SPATA6: variants seen among roughly 807,000 people sequenced by gnomAD.
SPATA6 encodes the protein spermatogenesis-associated protein 6.
A neutral mutation model predicts 65.3 loss-of-function variants in SPATA6; 56 were observed. The observed-to-expected ratio is 0.86, with a 90% CI of 0.69 to 1.07. The LOEUF (loss-of-function observed/expected upper bound fraction) is 1.07. Ranked by LOEUF, SPATA6 falls within the 50% of genes least tolerant of loss-of-function variation. The pLI, the probability that SPATA6 is intolerant of heterozygous loss-of-function variation, is 0.00. For missense variants in SPATA6, 590 were observed against 594.8 expected (o/e 0.99, Z 0.08); for synonymous variants, 199 against 213.2 (o/e 0.93, Z 0.58).
At chr1:48,264,330 C>A in the SPATA6 span, among the ~76,000 whole-genome samples, 1 of 152,108 alleles carries the variant, frequency 6.6e-6, no homozygotes, top group Non-Finnish European at 1.5e-5. Flanking sequence ...ATCTTGATCC[C>A]AATTTCACCA....
At chr1:48,381,414 T>C (rs1475874736) in intron 9 of SPATA6, among the ~76,000 whole-genome samples, 1 of 152,166 alleles carries the variant, frequency 6.6e-6, no homozygotes, top group Non-Finnish European at 1.5e-5. Context: ...TAAATATTTA[T>C]AAAGCTTCAC....
intron 9 of SPATA6, among the ~76,000 whole-genome samples, chr1:48,369,560 G>A (rs1317028803): frequency 1.3e-5 from 2 of 152,210 alleles, no homozygotes; most frequent in African/African-American, 4.8e-5. Flanking sequence ...GAGACTCCGT[G>A]GGCGTAGGAC....
intron 11 of SPATA6, among the ~76,000 whole-genome samples, chr1:48,329,303 T>G (rs527851517): frequency 6.6e-6 from 1 of 152,186 alleles, no homozygotes; most frequent in Non-Finnish European, 1.5e-5. Context: ...GAAAATTACA[T>G]TCTTAAATGT....
intron 8 of SPATA6, among the ~76,000 whole-genome samples, chr1:48,387,237 C>A (rs540594034): frequency 3.3e-5 from 5 of 152,288 alleles, no homozygotes; most frequent in Admixed American, 1.3e-4. Context: ...TGCCTCCCAC[C>A]AGGCTCCTCC....
chr1:48,319,249 A>G (rs1645529277), intron 11 of SPATA6, among the ~76,000 whole-genome samples: 1 of 152,188 alleles, frequency 6.6e-6, no homozygotes. Context: ...CAAAGAAAAC[A>G]TAGAAAAGTT....
At chr1:48,366,865 C>T (rs1647035189) in intron 9 of SPATA6, among the ~76,000 whole-genome samples, 2 of 152,112 alleles carry the variant, frequency 1.3e-5, no homozygotes, top group South Asian at 4.1e-4. Context: ...TCTTGCTTTT[C>T]CAGTTCTTTT....
Position 48,298,819 on chromosome 1 carries a change from T to C in SPATA6, c.1361A>G (p.Lys454Arg). 1 of 1,614,030 alleles carries C rather than the reference T, an allele frequency of 6.2e-7. No homozygotes were observed. The highest frequency in any genetic ancestry group is 1.3e-5 in the African/African-American group (1 of 75,034). Residue 454 changes from lysine to arginine, a missense_variant, in exon 13 of 13, where the codon AAG becomes AGG. Physicochemically the swap from Lys to Arg is conservative, Grantham distance 26 (BLOSUM62 2). Transcript: ENST00000371847. Reference sequence around the variant, plus strand: ...AAAGATGGGTCGGTGGGATTTTCCCTTATAAGAGGCTGCCCTGTTGGACCA... The same window carrying C: ...AAAGATGGGTCGGTGGGATTTTCCCCTATAAGAGGCTGCCCTGTTGGACCA... ...EYWSNRAASY[K>R]GKSHRPIFEN... is the part of the protein sequence containing the mutation.
At chr1:48,328,301 T>C (rs1645821599) in intron 11 of SPATA6, among the ~76,000 whole-genome samples, 1 of 152,154 alleles carries the variant, frequency 6.6e-6, no homozygotes, top group Non-Finnish European at 1.5e-5. Context: ...CGCATAAATG[T>C]TGACAGTATT....
At chr1:48,454,663 C>G (rs1000395051) in intron 1 of SPATA6, among the ~76,000 whole-genome samples, 3 of 152,236 alleles carry the variant, frequency 2.0e-5, no homozygotes, top group Admixed American at 1.3e-4. Context: ...TTTTCCTCAT[C>G]ATTGTATCCA....
intron 8 of SPATA6, among the ~76,000 whole-genome samples, chr1:48,390,094 G>A (rs910668444): frequency 6.6e-6 from 1 of 152,134 alleles, no homozygotes; most frequent in Admixed American, 6.5e-5. Flanking sequence ...CCATCCAAAG[G>A]AAAGGAAATT....
At chr1:48,423,322 G>A (rs1005782605) in intron 3 of SPATA6, among the ~76,000 whole-genome samples, 7 of 151,846 alleles carry the variant, frequency 4.6e-5, no homozygotes, top group Middle Eastern at 3.4e-3. Flanking sequence ...CAGGCATGGT[G>A]GTGCATGCTG....
chr1:48,397,753 T>C (rs989577862), intron 7 of SPATA6, among the ~76,000 whole-genome samples: 2 of 151,642 alleles, frequency 1.3e-5, no homozygotes, highest in African/African-American at 4.8e-5. Context: ...TATTTAATAA[T>C]GTAAGCAATC....
intron 3 of SPATA6, among the ~76,000 whole-genome samples, chr1:48,419,570 A>T (rs1392295202): frequency 6.6e-6 from 1 of 152,196 alleles, no homozygotes; most frequent in Non-Finnish European, 1.5e-5. Flanking sequence ...ATAAATAAAG[A>T]AGACATGTAA....
At chr1:48,284,974 G>C in the SPATA6 span, among the ~76,000 whole-genome samples, 7 of 152,166 alleles carry the variant, frequency 4.6e-5, no homozygotes, top group Admixed American at 2.6e-4. Flanking sequence ...GAGATCTACT[G>C]CTCTCTTCAG....
At chr1:48,337,253 A>G (rs981718473) in intron 11 of SPATA6, among the ~76,000 whole-genome samples, 3 of 151,908 alleles carry the variant, frequency 2.0e-5, no homozygotes, top group Non-Finnish European at 4.4e-5. Context: ...AAATCAAGTG[A>G]TTTGCTATAT....
downstream of SPATA6, among the ~76,000 whole-genome samples, chr1:48,291,171 G>T (rs537955503): frequency 6.6e-6 from 1 of 152,148 alleles, no homozygotes; most frequent in Non-Finnish European, 1.5e-5. Flanking sequence ...GAGGGTCCTC[G>T]ATTTAATTTT....
the SPATA6 span, among the ~76,000 whole-genome samples, chr1:48,279,453 A>C: frequency 6.4e-3 from 975 of 152,260 alleles, 3 homozygotes; most frequent in Middle Eastern, 0.014. Flanking sequence ...TGTGCAGAGA[A>C]ACACATAGGC....
chr1:48,447,142 AAT>A (rs1299168952), intron 3 of SPATA6, among the ~76,000 whole-genome samples: 1 of 152,168 alleles, frequency 6.6e-6, no homozygotes. Context: ...TATAACAAAA[AAT>A]ATGTTAATTG....
intron 12 of SPATA6, among the ~76,000 whole-genome samples, chr1:48,300,207 G>A (rs1207148190): frequency 6.6e-6 from 1 of 152,074 alleles, no homozygotes; most frequent in African/African-American, 2.4e-5. Context: ...ATAAATTCCG[G>A]AATTACATTT....
Sources: gnomAD v4.1 joint callset for allele counts (sites outside exome capture counted in the v4.1 genomes callset) on GRCh38, gnomAD v4.1.1 for gene constraint, MANE v1.5 for transcripts, NCBI Gene and HGNC (gene_info 2026-07-23, HGNC 2026-07-21) for gene names.